DHX35: variants seen among roughly 807,000 people sequenced by gnomAD.
DHX35 encodes the protein probable ATP-dependent RNA helicase DHX35.
DHX35 carries 84 observed loss-of-function variants against 99.6 expected under a neutral mutation model. The observed-to-expected ratio is 0.84, with a 90% CI of 0.71 to 1.01. The LOEUF is 1.01. Among genes scored for constraint, DHX35 ranks in the 50% least tolerant of loss-of-function variants. The pLI, the probability that DHX35 is intolerant of heterozygous loss-of-function variation, is 0.00. For missense variants in DHX35, 852 were observed against 888.5 expected (o/e 0.96, Z 0.52); for synonymous variants, 331 against 316.2 (o/e 1.05, Z -0.50).
intron 7 of DHX35, among the ~76,000 whole-genome samples, chr20:38,994,308 A>G (rs1373691743): frequency 1.3e-5 from 2 of 151,932 alleles, no homozygotes; most frequent in Non-Finnish European, 2.9e-5. Context: ...CATTGTTATT[A>G]TATATCTTAG....
intron 3 of DHX35, among the ~76,000 whole-genome samples, chr20:38,974,047 C>T (rs144535146): frequency 2.0e-3 from 304 of 152,302 alleles, no homozygotes; most frequent in African/African-American, 7.1e-3. Context: ...GCACATTCTC[C>T]TGCTGGGCTC....
At chr20:38,995,039 T>A (rs148496257) in intron 8 of DHX35, among the ~76,000 whole-genome samples, 159 bp downstream of exon 8, 1 of 152,344 alleles carries the variant, frequency 6.6e-6, no homozygotes, top group Non-Finnish European at 1.5e-5. Flanking sequence ...CAGAGGTTAC[T>A]CCTTTTCAGC....
intron 3 of DHX35, among the ~76,000 whole-genome samples, chr20:38,975,551 A>G (rs1281051648): frequency 1.3e-5 from 2 of 152,238 alleles, no homozygotes; most frequent in Non-Finnish European, 2.9e-5. Flanking sequence ...TATGGAATAT[A>G]GAACAGAGGT....
intron 12 of DHX35, among the ~76,000 whole-genome samples, chr20:39,009,968 C>T (rs1222934341): frequency 6.6e-6 from 1 of 152,056 alleles, no homozygotes; most frequent in African/African-American, 2.4e-5. Context: ...ATGGTGGCAA[C>T]TGGGAACTGA....
At chr20:38,982,707 CCTTT>C (rs200850583) in intron 3 of DHX35, among the ~76,000 whole-genome samples, 2,646 of 152,246 alleles carry the variant, frequency 0.017, 60 homozygotes, top group Non-Finnish European at 0.021. Context: ...TATTATCCTT[CCTTT>C]ATTTCTTTTG....
At chr20:39,030,838 C>T in intron 20 of DHX35, 63 bp downstream of exon 20, 3 of 1,553,622 alleles carry the variant, frequency 1.9e-6, no homozygotes, top group Non-Finnish European at 2.7e-6. Flanking sequence ...TTGTTTTTCT[C>T]CTGTACATGT....
chr20:39,016,088 A>C (rs1473224456), intron 14 of DHX35, among the ~76,000 whole-genome samples: 1 of 152,228 alleles, frequency 6.6e-6, no homozygotes, highest in Non-Finnish European at 1.5e-5. Context: ...TGAAAGCTCC[A>C]AGATTAGGCA....
intron 4 of DHX35, among the ~76,000 whole-genome samples, chr20:38,984,607 A>G (rs896680676): frequency 2.0e-5 from 3 of 152,236 alleles, no homozygotes; most frequent in African/African-American, 4.8e-5. Context: ...GATGTTACCT[A>G]TATTTCAAAT....
intron 21 of DHX35, among the ~76,000 whole-genome samples, chr20:39,035,457 A>G (rs185991876): frequency 6.6e-6 from 1 of 152,342 alleles, no homozygotes; most frequent in African/African-American, 2.4e-5. Flanking sequence ...ACTGTTGTTT[A>G]CAGCAGAAGA....
chr20:39,014,871 T>G lies in DHX35; in HGVS notation c.1348-9T>G, dbSNP rs1432962893. 1 of 1,614,142 alleles carries G rather than the reference T, an allele frequency of 6.2e-7. No homozygotes were observed. The highest frequency in any genetic ancestry group is 1.7e-5 in the Admixed American group (1 of 60,024). Reference sequence around the variant, plus strand: ...AATTGATTCAGGAAGATTTTTATGTTTTTTCCAGCCCCCTCCAGCACAGTC... The same window carrying G: ...AATTGATTCAGGAAGATTTTTATGTGTTTTCCAGCCCCCTCCAGCACAGTC... On this transcript the variant is annotated splice_polypyrimidine_tract_variant and intron_variant, in intron 13 of 21. Transcript: ENST00000252011.
intron 16 of DHX35, among the ~76,000 whole-genome samples, chr20:39,023,328 T>C (rs575646804): frequency 6.6e-6 from 1 of 152,338 alleles, no homozygotes; most frequent in East Asian, 1.9e-4. Flanking sequence ...CTATTCACCA[T>C]GCAATATTAC....
At chr20:39,019,876 C>T (rs1192140873) in intron 15 of DHX35, among the ~76,000 whole-genome samples, 1 of 152,214 alleles carries the variant, frequency 6.6e-6, no homozygotes, top group Non-Finnish European at 1.5e-5. Context: ...CCTCTTTCTC[C>T]ATTCACCCCC....
rs1163742212 is a variant in DHX35 at position 38,989,001 on chromosome 20, T to A, written c.450+84T>A. On this transcript the variant is annotated intron_variant, in intron 5 of 21. Transcript: ENST00000252011. ...ATTAAAAACATGTAGTCCTTGCTGCTGTACAGGACATTGATACCATGGCAG... is the reference window on the plus strand; with the variant it reads ...ATTAAAAACATGTAGTCCTTGCTGCAGTACAGGACATTGATACCATGGCAG... The A allele has an allele frequency of 3.4e-6, 5 of 1,469,412 alleles. No homozygotes were observed. The African/African-American group carries it at 5.5e-5, about 16-fold the overall frequency. The allele number at this position is 1,469,412 out of a possible 1,614,324, so 91.0% of individuals were successfully genotyped here.
intron 8 of DHX35, among the ~76,000 whole-genome samples, chr20:38,999,286 G>A (rs1274496153): frequency 6.6e-6 from 1 of 151,776 alleles, no homozygotes; most frequent in Admixed American, 6.6e-5. Context: ...ATAGCTCCTG[G>A]AGCCCTGCTG....
At chr20:39,010,889 AC>A (rs2086692624) in intron 13 of DHX35, among the ~76,000 whole-genome samples, 1 of 152,070 alleles carries the variant, frequency 6.6e-6, no homozygotes, top group Admixed American at 6.5e-5. Context: ...GAGTAGAATG[AC>A]TGGGTCAAAG....
At chr20:39,000,798 T>A (rs2086506309) in intron 8 of DHX35, among the ~76,000 whole-genome samples, 1 of 152,002 alleles carries the variant, frequency 6.6e-6, no homozygotes, top group Non-Finnish European at 1.5e-5. Flanking sequence ...AGGTGGGGAA[T>A]GGAAAGGGCA....
At chr20:39,001,968 T>C (rs1002183098) in intron 9 of DHX35, 126 bp downstream of exon 9, 10 of 798,920 alleles carry the variant, frequency 1.3e-5, no homozygotes, top group African/African-American at 5.2e-5. Flanking sequence ...TCCCTAGTCA[T>C]TGGTCTAGAA....
At position 39,023,751 on chromosome 20, in the gene DHX35, A is replaced by G; in HGVS notation, c.1655A>G (p.Tyr552Cys). 1 of 1,613,974 alleles carries G rather than the reference A, an allele frequency of 6.2e-7. No individual in the cohort carries two copies. Among genetic ancestry groups the G allele is most frequent in the Non-Finnish European group, 8.5e-7 (1 of 1,179,876 alleles). ...GACCACCTCACTATGCTCAATATAT[A>G]TGAAGCATTTATCAAAGTAAGCACA... ...EGDHLTMLNI[Y>C]EAFIKHNKDS... is the part of the protein sequence containing the mutation. Residue 552 changes from tyrosine to cysteine, a missense_variant, in exon 17 of 22, where the codon TAT becomes TGT. Transcript: ENST00000252011.
chr20:39,002,272 T>C (rs866931513), intron 9 of DHX35, among the ~76,000 whole-genome samples: 2 of 152,352 alleles, frequency 1.3e-5, no homozygotes, highest in Middle Eastern at 6.8e-3. Context: ...GCCATCCTAA[T>C]TCCTGTACTA....
Sources: gnomAD v4.1 joint callset for allele counts (sites outside exome capture counted in the v4.1 genomes callset) on GRCh38, gnomAD v4.1.1 for gene constraint, MANE v1.5 for transcripts, NCBI Gene and HGNC (gene_info 2026-07-23, HGNC 2026-07-21) for gene names.